The following COG7 variants were observed in gnomAD, a reference collection of about 807,000 sequenced individuals.
The protein encoded by COG7 is component of oligomeric golgi complex 7.
In COG7, 49 loss-of-function variants were observed where a neutral mutation model predicts 91.5. The ratio of observed to expected loss-of-function variants is 0.54; its 90% CI spans 0.43 to 0.68. COG7 has a LOEUF of 0.68. Among genes scored for constraint, COG7 ranks in the 30% least tolerant of loss-of-function variants. The pLI is 0.00. For synonymous variants in COG7, 365 were observed against 388.7 expected, an observed-to-expected ratio of 0.94 and a Z score of 0.72; for missense variants, 895 against 961.3, an observed-to-expected ratio of 0.93 and a Z score of 0.91.
At chr16:23,442,373 C>A in intron 4 of COG7, 104 bp downstream of exon 4, 18 of 943,332 alleles carry the variant, frequency 1.9e-5, no homozygotes, top group Non-Finnish European at 2.7e-5. Context: ...TCCTTCTAAT[C>A]TATGTAATTC....
In COG7 at chr16:23,453,078, G is replaced by A; in HGVS notation, c.-84C>T. The A allele has an allele frequency of 6.3e-7, 1 of 1,592,048 alleles. No individual in the cohort carries two copies. ...GGGATGCAGAAGCGAGCGAGCCTGC[G>A]AGAGCACCGAGGCTAGCCTCCGAGG... On this transcript the variant is annotated 5_prime_UTR_variant, in exon 1 of 17. Coordinates refer to ENST00000307149, the MANE Select transcript of COG7 (RefSeq NM_153603.4).
intron 3 of COG7, among the ~76,000 whole-genome samples, chr16:23,444,647 A>G: frequency 6.6e-6 from 1 of 151,016 alleles, no homozygotes; most frequent in Non-Finnish European, 1.5e-5. Flanking sequence ...GGAACTACAA[A>G]TGTGCAGCAC....
In COG7 at chr16:23,410,325, C is replaced by T. The variant is rs376426601; in HGVS notation, c.1445G>A (p.Cys482Tyr). ...IATCGELLRH[C>Y]GDFEQQLANR... ...GGCTAGCTGCTGCTCGAAGTCCCCA[C>T]AATGCCGCAAAAGCTCTCCACAGGT... The change falls in exon 11 of 17, where the codon TGT becomes TAT. Residue 482 changes from cysteine to tyrosine, a missense_variant. Transcript: ENST00000307149. 1.1e-5 allele frequency: 17 copies of T among 1,614,014 alleles called. No homozygotes were observed. The East Asian group carries it at 1.1e-4, about 11-fold the overall frequency.
chr16:23,392,244 C>T, intron 16 of COG7, 136 bp downstream of exon 16: 2 of 1,525,920 alleles, frequency 1.3e-6, no homozygotes, highest in African/African-American at 1.4e-5. Flanking sequence ...CCTGAATTTT[C>T]AACCAGCTTC....
At position 23,416,612 on chromosome 16, in the gene COG7, C is replaced by T. The variant is rs35910311; in HGVS notation, c.1292+355G>A. 528 of 335,840 alleles carry T rather than the reference C, an allele frequency of 1.6e-3. 2 individuals are homozygous for T. Among genetic ancestry groups the T allele is most frequent in the African/African-American group, 9.5e-3 (442 of 46,574 alleles). The allele number at this position is 335,840 out of a possible 1,614,324, so 20.8% of individuals were successfully genotyped here. On this transcript the variant is annotated intron_variant, in intron 9 of 16. Transcript: ENST00000307149. ...CCTCCCAAAGTACTGGGATTACAGG[C>T]GTGATTCACCGCACCAGGCCAAAGG... is the stretch of plus-strand genomic sequence containing the variant.
chr16:23,437,509 A>G (rs1189755514), intron 4 of COG7, among the ~76,000 whole-genome samples: 6 of 152,312 alleles, frequency 3.9e-5, no homozygotes, highest in Admixed American at 3.3e-4. Context: ...GACTCAAAAT[A>G]AAGAATTAAC....
chr16:23,414,094 T>C (rs1963613389), intron 9 of COG7: 1 of 163,990 alleles, frequency 6.1e-6, no homozygotes, highest in African/African-American at 2.4e-5. Context: ...GACAGACGCA[T>C]GAAAGTGGAT....
intron 6 of COG7, among the ~76,000 whole-genome samples, chr16:23,433,302 G>A (rs1270273424): frequency 6.6e-6 from 1 of 152,086 alleles, no homozygotes; most frequent in Non-Finnish European, 1.5e-5. Context: ...TGTTGGCCAG[G>A]CTGGTCTCGA....
intron 14 of COG7, among the ~76,000 whole-genome samples, chr16:23,396,993 T>C (rs1963294909): frequency 6.6e-6 from 1 of 152,110 alleles, no homozygotes; most frequent in South Asian, 2.1e-4. Context: ...CACTGCAGCG[T>C]CGACCTCCTG....
chr16:23,448,727 T>A (rs186768053), intron 1 of COG7, among the ~76,000 whole-genome samples: 1 of 152,202 alleles, frequency 6.6e-6, no homozygotes, highest in Non-Finnish European at 1.5e-5. Context: ...TAGTGAAATA[T>A]AATGGTTAAG....
chr16:23,400,063 G>T (rs1184568091), intron 13 of COG7, among the ~76,000 whole-genome samples: 1 of 152,106 alleles, frequency 6.6e-6, no homozygotes, highest in Non-Finnish European at 1.5e-5. Flanking sequence ...GGCTAGGAGT[G>T]GATCATGGTT....
At chr16:23,435,680 A>C (rs1271213961) in intron 4 of COG7, among the ~76,000 whole-genome samples, 3 of 152,160 alleles carry the variant, frequency 2.0e-5, no homozygotes, top group Non-Finnish European at 4.4e-5. Flanking sequence ...AAAGAAGGGA[A>C]AAAAAAGCCT....
At position 23,403,732 on chromosome 16, in the gene COG7, G is replaced by A; in HGVS notation, c.1765C>T (p.Arg589Cys). 10 of 1,614,172 alleles carry A rather than the reference G, an allele frequency of 6.2e-6. No individual in the cohort carries two copies. The highest frequency in any genetic ancestry group is 6.8e-6 in the Non-Finnish European group (8 of 1,180,014). ...ATAAGCAACAGCTGTTGTTTGATGC[G>A]CAGGAACACGGAATCGAAAGCCAGC... ...HQLAFDSVFL[R>C]IKQQLLLISK... Residue 589 changes from arginine to cysteine, a missense_variant, in exon 13 of 17, where the codon CGC (arginine) becomes TGC (cysteine). Coordinates refer to ENST00000307149, the MANE Select transcript of COG7 (RefSeq NM_153603.4).
At chr16:23,437,503 CAAAAT>C (rs1429296233) in intron 4 of COG7, among the ~76,000 whole-genome samples, 1 of 152,080 alleles carries the variant, frequency 6.6e-6, no homozygotes, top group Non-Finnish European at 1.5e-5. Context: ...AGAAAAGACT[CAAAAT>C]AAAGAATTAA....
At chr16:23,431,811 G>GAAAAAA (rs1173401499) in intron 6 of COG7, among the ~76,000 whole-genome samples, 1 of 43,226 alleles carries the variant, frequency 2.3e-5, no homozygotes, top group African/African-American at 8.2e-5. Flanking sequence ...TCTGTCTGAA[G>GAAAAAA]AAAAAAAAAA....
intron 4 of COG7, among the ~76,000 whole-genome samples, chr16:23,435,953 T>C (rs1319095044): frequency 1.3e-5 from 2 of 152,198 alleles, no homozygotes; most frequent in Admixed American, 6.5e-5. Context: ...AATTATTCCA[T>C]AGGCCAGGTG....
intron 6 of COG7, among the ~76,000 whole-genome samples, chr16:23,433,334 G>A (rs1408629438): frequency 6.6e-6 from 1 of 152,048 alleles, no homozygotes. Flanking sequence ...CAAACGATCC[G>A]CCCACTTCGA....
intron 10 of COG7, among the ~76,000 whole-genome samples, chr16:23,411,767 G>C (rs1418357230): frequency 6.6e-6 from 1 of 152,164 alleles, no homozygotes; most frequent in African/African-American, 2.4e-5. Context: ...TGTGTCACGG[G>C]CAAGGGTCAG....
intron 1 of COG7, among the ~76,000 whole-genome samples, chr16:23,450,470 C>T (rs1008205213): frequency 5.3e-5 from 8 of 152,172 alleles, no homozygotes; most frequent in Non-Finnish European, 1.2e-4. Context: ...TTTTCCTCCC[C>T]ACTGCCCATT....
Sources: gnomAD v4.1 joint callset for allele counts (sites outside exome capture counted in the v4.1 genomes callset) on GRCh38, gnomAD v4.1.1 for gene constraint, MANE v1.5 for transcripts, NCBI Gene and HGNC (gene_info 2026-07-23, HGNC 2026-07-21) for gene names.